Variants in ANTXR1 observed in about 807,000 individuals in gnomAD.
ANTXR1 encodes anthrax toxin receptor 1.
A neutral mutation model predicts 78.1 loss-of-function variants in ANTXR1; 19 were observed. The ratio of observed to expected loss-of-function variants is 0.24; its 90% CI spans 0.17 to 0.36. The LOEUF (loss-of-function observed/expected upper bound fraction) is 0.36, where lower values mean the gene tolerates loss of function less well. Among genes scored for constraint, ANTXR1 ranks in the 10% least tolerant of loss-of-function variants. The pLI is 1.00. For synonymous variants in ANTXR1, 273 were observed against 260.5 expected, an observed-to-expected ratio of 1.05 and a Z score of -0.46; for missense variants, 518 against 718.6, an observed-to-expected ratio of 0.72 and a Z score of 3.19.
At chr2:69,149,000 C>T (rs1420501956) in intron 12 of ANTXR1, among the ~76,000 whole-genome samples, 9 of 152,204 alleles carry the variant, frequency 5.9e-5, no homozygotes, top group Non-Finnish European at 2.9e-5. Flanking sequence ...TGCACGTACA[C>T]GTTATCTCCT....
intron 12 of ANTXR1, among the ~76,000 whole-genome samples, chr2:69,150,852 C>G (rs1026424129): frequency 3.5e-4 from 53 of 151,826 alleles, no homozygotes; most frequent in Non-Finnish European, 7.2e-4. Context: ...GACTCCATCT[C>G]TACAAAAAAC....
intron 3 of ANTXR1, among the ~76,000 whole-genome samples, chr2:69,056,107 T>G (rs773704925): frequency 4.6e-5 from 7 of 152,196 alleles, no homozygotes; most frequent in Non-Finnish European, 8.8e-5. Context: ...GACAAAGCAG[T>G]GCCCAGAAAC....
chr2:69,076,963 T>G (rs1056755244), intron 7 of ANTXR1, among the ~76,000 whole-genome samples: 18 of 152,040 alleles, frequency 1.2e-4, no homozygotes, highest in Admixed American at 4.6e-4. Flanking sequence ...GGGTGAAAGG[T>G]GAAGGTGGCC....
At chr2:69,181,674 G>C (rs903593885) in intron 14 of ANTXR1, 112 bp from the exon 15 acceptor site, 2 of 1,004,454 alleles carry the variant, frequency 2.0e-6, no homozygotes, top group African/African-American at 3.2e-5. Context: ...CACTGGGATT[G>C]CACCCAGGCA....
At chr2:69,038,755 T>C (rs776549034) in intron 1 of ANTXR1, among the ~76,000 whole-genome samples, 1 of 152,212 alleles carries the variant, frequency 6.6e-6, no homozygotes, top group Non-Finnish European at 1.5e-5. Flanking sequence ...TGAGACATCC[T>C]TATGACACAG....
intron 17 of ANTXR1, among the ~76,000 whole-genome samples, chr2:69,243,317 C>G (rs1196937180): frequency 6.6e-6 from 1 of 152,180 alleles, no homozygotes; most frequent in Non-Finnish European, 1.5e-5. Flanking sequence ...AAGCACAAAA[C>G]AAGGCTGCAG....
chr2:69,226,167 C>G (rs1675448090), intron 17 of ANTXR1, among the ~76,000 whole-genome samples: 1 of 152,176 alleles, frequency 6.6e-6, no homozygotes, highest in Non-Finnish European at 1.5e-5. Flanking sequence ...ACGAGCACCC[C>G]CACTCATTGC....
chr2:69,145,661 C>T (rs1266465965), intron 12 of ANTXR1: 4 of 1,191,178 alleles, frequency 3.4e-6, no homozygotes, highest in Non-Finnish European at 4.2e-6. Flanking sequence ...GCAGACCCAA[C>T]TTTGAGGTGG....
At chr2:69,019,873 A>G (rs4401244) in intron 1 of ANTXR1, among the ~76,000 whole-genome samples, 57,228 of 152,002 alleles carry the variant, frequency 0.38, 16,224 homozygotes, top group African/African-American at 0.77. Flanking sequence ...TAAGGATAAC[A>G]GCCTCCAGCT....
chr2:69,117,279 T>C (rs1672176244), intron 10 of ANTXR1, among the ~76,000 whole-genome samples: 1 of 152,210 alleles, frequency 6.6e-6, no homozygotes. Flanking sequence ...GCAAGCTATT[T>C]CAACAAAACT....
intron 10 of ANTXR1, 82 bp downstream of exon 10, chr2:69,103,022 C>A: frequency 7.5e-7 from 1 of 1,325,810 alleles, no homozygotes; most frequent in Non-Finnish European, 1.1e-6. Flanking sequence ...CCAGCAAGGC[C>A]ACACACATGA....
At chr2:69,100,029 G>A (rs1025337035) in intron 9 of ANTXR1, among the ~76,000 whole-genome samples, 3 of 152,180 alleles carry the variant, frequency 2.0e-5, no homozygotes, top group Non-Finnish European at 2.9e-5. Flanking sequence ...CCATTTTCAG[G>A]TGGAAAATTC....
At chr2:69,208,033 G>T (rs976351603) in intron 17 of ANTXR1, among the ~76,000 whole-genome samples, 2 of 152,168 alleles carry the variant, frequency 1.3e-5, no homozygotes, top group Admixed American at 6.5e-5. Context: ...ATTAGGAAAG[G>T]GTAGGTATAT....
intron 9 of ANTXR1, among the ~76,000 whole-genome samples, chr2:69,094,542 T>C (rs539239824): frequency 2.6e-5 from 4 of 152,336 alleles, no homozygotes; most frequent in African/African-American, 9.6e-5. Flanking sequence ...TCTTAGCCTC[T>C]TCCCTTCACT....
intron 14 of ANTXR1, among the ~76,000 whole-genome samples, chr2:69,174,408 C>T (rs1465517239): frequency 6.6e-6 from 1 of 152,026 alleles, no homozygotes; most frequent in African/African-American, 2.4e-5. Context: ...GAGGCCGAGG[C>T]GGGCAGAGTA....
At chr2:69,178,483 C>T (rs2104458923) in intron 14 of ANTXR1, among the ~76,000 whole-genome samples, 1 of 152,244 alleles carries the variant, frequency 6.6e-6, no homozygotes, top group East Asian at 1.9e-4. Flanking sequence ...CCCTTGAGCA[C>T]GAGGGCGGCG....
At chr2:69,171,220 A>G (rs1193766130) in intron 14 of ANTXR1, among the ~76,000 whole-genome samples, 1 of 152,238 alleles carries the variant, frequency 6.6e-6, no homozygotes, top group African/African-American at 2.4e-5. Context: ...TTAAATTAAA[A>G]ATTCCATGTG....
chr2:69,052,458 A>C (rs1420366013), intron 3 of ANTXR1, among the ~76,000 whole-genome samples: 1 of 152,000 alleles, frequency 6.6e-6, no homozygotes, highest in Non-Finnish European at 1.5e-5. Context: ...GTCAACTTGC[A>C]TTATTAGAAA....
Position 69,020,759 on chromosome 2 carries a change from C to T in ANTXR1, c.152+7108C>T, listed in dbSNP as rs187159849. ...GAGAATATTTAAACATTTGTTGACACGTTTTTCAGACACGTCAGGTTCATA... is the reference window on the plus strand; with the variant it reads ...GAGAATATTTAAACATTTGTTGACATGTTTTTCAGACACGTCAGGTTCATA... On this transcript the variant is annotated intron_variant, in intron 1 of 17. Transcript: ENST00000303714. 4.1e-4 allele frequency among the ~76,000 whole-genome samples: 63 copies of T among 152,326 alleles called. No individual in the cohort carries two copies. The East Asian group carries it at 9.4e-3, about 23-fold the overall frequency.
Sources: allele counts gnomAD v4.1 joint callset (sites outside exome capture counted in the v4.1 genomes callset), GRCh38; gene constraint gnomAD v4.1.1; transcripts MANE v1.5; gene names NCBI Gene and HGNC (gene_info 2026-07-23, HGNC 2026-07-21).